CATSPERE: variants seen among roughly 807,000 people sequenced by gnomAD.
The protein encoded by CATSPERE is cation channel sperm-associated auxiliary subunit epsilon.
In CATSPERE, 93 loss-of-function variants were observed where a neutral mutation model predicts 114.1. The observed-to-expected ratio is 0.81, with a 90% CI of 0.69 to 0.97. The LOEUF is 0.97. CATSPERE is among the 50% of genes least tolerant of loss of function. CATSPERE has a pLI of 0.00. For missense variants in CATSPERE, 1,058 were observed against 1,131.6 expected (o/e 0.93, Z 0.93); for synonymous variants, 341 against 384.1 (o/e 0.89, Z 1.31).
At chr1:244,535,601 C>A (rs2148436334) in intron 8 of CATSPERE, among the ~76,000 whole-genome samples, 1 of 152,292 alleles carries the variant, frequency 6.6e-6, no homozygotes, top group South Asian at 2.1e-4. Context: ...GGACCAAAGG[C>A]TTTTTAGTCA....
chr1:244,538,858 G>T (rs538085841), intron 8 of CATSPERE, among the ~76,000 whole-genome samples: 17 of 152,268 alleles, frequency 1.1e-4, no homozygotes, highest in African/African-American at 4.1e-4. Flanking sequence ...GAAGAACAGG[G>T]CCTGGAGCAT....
At chr1:244,549,420 T>C (rs1180775205) in intron 8 of CATSPERE, among the ~76,000 whole-genome samples, 1 of 1,700 alleles carries the variant, frequency 5.9e-4, no homozygotes, top group Non-Finnish European at 0.02. Context: ...TGTGTGTATG[T>C]CTATATATAT....
intron 10 of CATSPERE, among the ~76,000 whole-genome samples, chr1:244,567,767 C>G (rs1323806075): frequency 6.6e-6 from 1 of 151,948 alleles, no homozygotes; most frequent in Admixed American, 6.6e-5. Flanking sequence ...TTCTTAGTTT[C>G]CTTGCATTGG....
chr1:244,609,827 G>T (rs66497428), intron 18 of CATSPERE, among the ~76,000 whole-genome samples: 1 of 152,126 alleles, frequency 6.6e-6, no homozygotes, highest in Admixed American at 6.5e-5. Flanking sequence ...GATGGCTTGA[G>T]GCCAAGAGTT....
chr1:244,552,280 TGA>T (rs1420453967), intron 8 of CATSPERE, 40 bp from the exon 9 acceptor site: 7 of 1,554,296 alleles, frequency 4.5e-6, no homozygotes, highest in Non-Finnish European at 6.1e-6. Flanking sequence ...ATGGATCAGA[TGA>T]GAGAGAGATC....
intron 7 of CATSPERE, among the ~76,000 whole-genome samples, chr1:244,508,168 T>TAAAAG (rs1186068867): frequency 1.3e-3 from 195 of 152,256 alleles, no homozygotes; most frequent in African/African-American, 4.6e-3. Context: ...ATACTTTTCT[T>TAAAAG]TGTAGAGGTC....
At chr1:244,471,050 T>C (rs545033089) in intron 2 of CATSPERE, among the ~76,000 whole-genome samples, 71 of 152,288 alleles carry the variant, frequency 4.7e-4, no homozygotes, top group African/African-American at 1.7e-3. Flanking sequence ...GTGTGGCAGT[T>C]TTTTTGTGGA....
At chr1:244,524,479 T>C (rs1678172260) in intron 8 of CATSPERE, among the ~76,000 whole-genome samples, 1 of 150,928 alleles carries the variant, frequency 6.6e-6, no homozygotes, top group African/African-American at 2.5e-5. Flanking sequence ...AAAGACAAAA[T>C]TGACAAATGG....
intron 20 of CATSPERE, among the ~76,000 whole-genome samples, chr1:244,621,105 A>AT (rs1672137244): frequency 1.7e-5 from 1 of 59,058 alleles, no homozygotes; most frequent in African/African-American, 6.9e-5. Context: ...AATATATATA[A>AT]ATATATATAT....
At chr1:244,588,452 G>A (rs767071515) in intron 13 of CATSPERE, 30 bp from the exon 14 acceptor site, 2 of 1,561,126 alleles carry the variant, frequency 1.3e-6, no homozygotes, top group Admixed American at 3.3e-5. Context: ...CAGAACTGCT[G>A]AACTCACTAC....
In CATSPERE at chr1:244,607,205, G is replaced by C. The variant is rs981243400; in HGVS notation, c.2403+1411G>C. On this transcript the variant is annotated intron_variant, in intron 18 of 21. Coordinates refer to ENST00000366534, the MANE Select transcript of CATSPERE (RefSeq NM_001130957.2). The surrounding 1 kb of genome is among the most constrained non-coding windows in gnomAD (Gnocchi z 4.4). Reference sequence around the variant, plus strand: ...TCTTTCTCTCACCCCATATACTTAAGGGTGAGATTTGGGGTTGATGTTCTC... The same window carrying C: ...TCTTTCTCTCACCCCATATACTTAACGGTGAGATTTGGGGTTGATGTTCTC... Among the ~76,000 whole-genome samples, 2 of 152,130 alleles carry C rather than the reference G, an allele frequency of 1.3e-5. No individual in the cohort carries two copies. Among genetic ancestry groups the C allele is most frequent in the Admixed American group, 6.6e-5 (1 of 15,258 alleles).
chr1:244,520,866 A>G (rs1188839431), intron 8 of CATSPERE, among the ~76,000 whole-genome samples: 1 of 152,218 alleles, frequency 6.6e-6, no homozygotes, highest in African/African-American at 2.4e-5. Flanking sequence ...TTTTAACTGA[A>G]AAGAAACAAT....
Position 244,473,233 on chromosome 1 carries a change from A to G in CATSPERE, c.115-4308A>G, listed in dbSNP as rs148516285. On this transcript the variant is annotated intron_variant, in intron 2 of 21. Coordinates refer to ENST00000366534, the MANE Select transcript of CATSPERE (RefSeq NM_001130957.2). ...CGTTCTACATTGTCACCAGCAATGA[A>G]TGACAGTGCTGTTGCTCCACATCTT... Among the ~76,000 whole-genome samples, 11 of 152,314 alleles carry G rather than the reference A, an allele frequency of 7.2e-5. No homozygotes were observed. In the East Asian group the frequency reaches 1.4e-3, roughly 19 times the overall value.
Position 244,601,820 on chromosome 1 carries a change from G to A in CATSPERE, c.2304-3875G>A, listed in dbSNP as rs530264550. Among the ~76,000 whole-genome samples, 7 of 152,252 alleles carry A rather than the reference G, an allele frequency of 4.6e-5. 1 individual carries two copies. In the South Asian group the frequency reaches 1.4e-3, roughly 32 times the overall value. On this transcript the variant is annotated intron_variant, in intron 17 of 21. Transcript: ENST00000366534. ...ACATAGAAATTAGCCGGGCGTGGGT[G>A]GTGGGCGCCTGTAATCCCAGCTACT...
intron 8 of CATSPERE, among the ~76,000 whole-genome samples, chr1:244,532,231 TTTTA>T (rs1428800751): frequency 1.3e-5 from 2 of 151,986 alleles, no homozygotes; most frequent in African/African-American, 2.4e-5. Context: ...AGTTTACTGA[TTTTA>T]TTTATCTTTT....
At chr1:244,564,844 T>C (rs1663181720) in intron 10 of CATSPERE, among the ~76,000 whole-genome samples, 1 of 152,238 alleles carries the variant, frequency 6.6e-6, no homozygotes. Flanking sequence ...GAGGGAATGC[T>C]TCCAGCTTTT....
In CATSPERE at chr1:244,575,956, T is replaced by C. The variant is rs1665189872; in HGVS notation, c.1950+3184T>C. 6.6e-6 allele frequency among the ~76,000 whole-genome samples: 1 copy of C among 152,114 alleles called. No individual in the cohort carries two copies. Among genetic ancestry groups the C allele is most frequent in the Admixed American group, 6.5e-5 (1 of 15,276 alleles). ...CCGCCTCCCATGGCTTTTCTTTCCT[T>C]AGTCCTGACTAAGGAATGCTCTACT... On this transcript the variant is annotated intron_variant, in intron 11 of 21. Transcript: ENST00000366534. The surrounding 1 kb of genome is among the most constrained non-coding windows in gnomAD (Gnocchi z 4.5).
At chr1:244,503,560 C>T (rs747482772) in intron 7 of CATSPERE, among the ~76,000 whole-genome samples, 52 of 152,280 alleles carry the variant, frequency 3.4e-4, no homozygotes, top group Non-Finnish European at 6.8e-4. Flanking sequence ...TTTCTTCTGA[C>T]CAACTTCTAG....
intron 11 of CATSPERE, among the ~76,000 whole-genome samples, chr1:244,577,954 T>C (rs772021659): frequency 6.6e-6 from 1 of 152,188 alleles, no homozygotes; most frequent in Non-Finnish European, 1.5e-5. Flanking sequence ...GGGAAGATGA[T>C]ACAGGGAAAA....
Sources: gnomAD v4.1 joint callset for allele counts (sites outside exome capture counted in the v4.1 genomes callset) on GRCh38, gnomAD v4.1.1 for gene constraint, Gnocchi (gnomAD v3.1) non-coding constraint, MANE v1.5 for transcripts, NCBI Gene and HGNC (gene_info 2026-07-23, HGNC 2026-07-21) for gene names.